ADAMTS20: variants seen among roughly 807,000 people sequenced by gnomAD.
ADAMTS20 encodes the protein ADAM metallopeptidase with thrombospondin type 1 motif 20.
A neutral mutation model predicts 260.1 loss-of-function variants in ADAMTS20; 225 were observed. The ratio of observed to expected loss-of-function variants is 0.87; its 90% confidence interval spans 0.78 to 0.97. The LOEUF is 0.97. Ranked by LOEUF, ADAMTS20 falls within the 50% of genes least tolerant of loss-of-function variation. ADAMTS20 has a pLI of 0.00. For synonymous variants in ADAMTS20, 802 were observed against 769.5 expected, an observed-to-expected ratio of 1.04 and a Z score of -0.70; for missense variants, 2,400 against 2,337.7, an observed-to-expected ratio of 1.03 and a Z score of -0.55.
chr12:43,354,384 C>A, intron 38 of ADAMTS20, 86 bp from the exon 39 acceptor site: 1 of 940,980 alleles, frequency 1.1e-6, no homozygotes, highest in Non-Finnish European at 1.6e-6. Context: ...TGCTTTGAAT[C>A]ATATGGCTAA....
At chr12:43,514,806 A>C (rs945364001) in intron 3 of ADAMTS20, among the ~76,000 whole-genome samples, 2 of 152,154 alleles carry the variant, frequency 1.3e-5, no homozygotes, top group Non-Finnish European at 2.9e-5. Context: ...CTAGCATTTG[A>C]ACATGTAAAT....
At chr12:43,518,952 T>C (rs1943035657) in intron 3 of ADAMTS20, among the ~76,000 whole-genome samples, 1 of 152,162 alleles carries the variant, frequency 6.6e-6, no homozygotes, top group African/African-American at 2.4e-5. Flanking sequence ...GTTACCACCC[T>C]GATTCAGCAC....
chr12:43,361,285 A>G (rs2137185549), intron 37 of ADAMTS20, among the ~76,000 whole-genome samples: 1 of 152,380 alleles, frequency 6.6e-6, no homozygotes, highest in South Asian at 2.1e-4. Context: ...GCTGTGTAAC[A>G]TAACACAGAA....
intron 14 of ADAMTS20, among the ~76,000 whole-genome samples, chr12:43,447,182 A>C (rs1941778192): frequency 7.7e-6 from 1 of 130,080 alleles, no homozygotes. Flanking sequence ...CAGAGACACG[A>C]CAAAAAAAAA....
Position 43,452,407 on chromosome 12 carries a change from C to A in ADAMTS20, c.1946G>T (p.Gly649Val), listed in dbSNP as rs1178408955. 1.9e-6 allele frequency: 3 copies of A among 1,607,668 alleles called. No individual in the cohort carries two copies. In the Admixed American group the frequency reaches 5.1e-5, roughly 27 times the overall value. Residue 649 changes from glycine (G) to valine (V), a missense_variant, in exon 14 of 39, where the codon GGC (glycine) becomes GTC (valine). Transcript: ENST00000389420. ...VRWLPRYSGI[G>V]TKDRCKLYCQ... Reference sequence around the variant, plus strand: ...ATAGAGTTTACAACGATCCTTTGTGCCAACTGTAAAAAAGAAAAAGGTCAA... The same window carrying A: ...ATAGAGTTTACAACGATCCTTTGTGACAACTGTAAAAAAGAAAAAGGTCAA...
At chr12:43,388,754 C>T (rs1299214464) in intron 29 of ADAMTS20, among the ~76,000 whole-genome samples, 1 of 152,176 alleles carries the variant, frequency 6.6e-6, no homozygotes, top group African/African-American at 2.4e-5. Flanking sequence ...TTAGTCTGTT[C>T]AGGCTGCTAT....
At chr12:43,379,280 G>C (rs1565672377) in intron 31 of ADAMTS20, among the ~76,000 whole-genome samples, 1 of 152,152 alleles carries the variant, frequency 6.6e-6, no homozygotes, top group Non-Finnish European at 1.5e-5. Flanking sequence ...CTGAATAACA[G>C]TTGGAGCAAC....
At chr12:43,381,320 T>C (rs770462590) in intron 31 of ADAMTS20, among the ~76,000 whole-genome samples, 10 of 152,114 alleles carry the variant, frequency 6.6e-5, no homozygotes, top group African/African-American at 9.7e-5. Flanking sequence ...TTCTTAGATA[T>C]GATACTTAAA....
rs570183169 is a variant in ADAMTS20 at position 43,408,897 on chromosome 12, G to A, written c.4285-9664C>T. On this transcript the variant is annotated intron_variant, in intron 28 of 38. Transcript: ENST00000389420. The stretch of plus-strand genomic sequence containing the variant: ...AGAGGCCTACAATTGAATCTCAGCT[G>A]TCAGAAGCTATGATAATAATAACAC... 2.6e-5 allele frequency among the ~76,000 whole-genome samples: 4 copies of A among 152,230 alleles called. No homozygotes were observed. The South Asian group carries it at 8.3e-4, about 32-fold the overall frequency.
At chr12:43,363,658 G>A (rs183120416) in intron 37 of ADAMTS20, among the ~76,000 whole-genome samples, 81 of 152,250 alleles carry the variant, frequency 5.3e-4, no homozygotes, top group African/African-American at 1.9e-3. Context: ...TAGCTTATTT[G>A]GAATAAAACC....
chr12:43,402,246 T>A (rs1054734406), intron 28 of ADAMTS20, among the ~76,000 whole-genome samples: 7 of 152,024 alleles, frequency 4.6e-5, no homozygotes, highest in African/African-American at 1.7e-4. Context: ...AAGCAATTTT[T>A]AATTTGCTTT....
At chr12:43,422,929 G>A (rs755042725) in intron 28 of ADAMTS20, 5 of 151,986 alleles carry the variant, frequency 3.3e-5, no homozygotes, top group Non-Finnish European at 7.4e-5. Context: ...TTGGAATATA[G>A]TATAGATACA....
chr12:43,443,844 T>C lies in ADAMTS20; in HGVS notation c.2237A>G (p.Asn746Ser). 6.2e-7 allele frequency: 1 copy of C among 1,613,416 alleles called. No individual in the cohort carries two copies. Among genetic ancestry groups the C allele is most frequent in the East Asian group, 2.2e-5 (1 of 44,856 alleles). The change falls in exon 16 of 39, where the codon AAC becomes AGC. Residue 746 changes from asparagine to serine, a missense_variant. Coordinates refer to ENST00000389420, the MANE Select transcript of ADAMTS20 (RefSeq NM_025003.5). The part of the protein sequence containing the change: ...VVVKIPAGAT[N>S]VDIRQYSYSG... ...ATAGCTGTACTGACGAATGTCAACGTTTGTTGCTCCTGCGGGAATCTTTAC... is the reference window on the plus strand; with the variant it reads ...ATAGCTGTACTGACGAATGTCAACGCTTGTTGCTCCTGCGGGAATCTTTAC...
intron 7 of ADAMTS20, among the ~76,000 whole-genome samples, chr12:43,472,897 G>T (rs1398752403): frequency 6.9e-6 from 1 of 144,758 alleles, no homozygotes; most frequent in African/African-American, 2.6e-5. Flanking sequence ...AAAATGTAAA[G>T]ACCATCGAGA....
Position 43,427,459 on chromosome 12 carries a change from C to T in ADAMTS20, c.3956G>A (p.Ser1319Asn). The change falls in exon 27 of 39, where the codon AGT (serine) becomes AAT (asparagine). Residue 1319 changes from serine (S) to asparagine (N), a missense_variant. Physicochemically the swap from Ser to Asn is conservative, Grantham distance 46 (BLOSUM62 1). Coordinates refer to ENST00000389420, the MANE Select transcript of ADAMTS20 (RefSeq NM_025003.5). ...RTGPWGSCSS[S>N]CSGGLQHRAV... The stretch of plus-strand genomic sequence containing the variant: ...CCTATGCTGAAGACCTCCAGAACAA[C>T]TGCTGGAGCACTGACAAGAATAAAA... 1.9e-6 allele frequency: 3 copies of T among 1,610,534 alleles called. No individual in the cohort carries two copies. In the South Asian group the frequency reaches 3.3e-5, roughly 18 times the overall value.
rs1941629529 is a variant in ADAMTS20 at position 43,439,941 on chromosome 12, T to G, written c.2419A>C (p.Arg807=). The G allele has an allele frequency of 2.5e-6, 4 of 1,605,762 alleles. No individual in the cohort carries two copies. The highest frequency in any genetic ancestry group is 1.3e-5 in the African/African-American group (1 of 74,864). ...EYSGSNNAVE[R]INSTNRQEKE... is the part of the protein sequence containing the mutation. ...TCTTGTCGATTAGTACTATTAATTC[T>G]TTCAACTGCGTTATTTGATCCACTG... Residue 807 remains arginine (R), a synonymous_variant, in exon 17 of 39, where the codon AGA becomes CGA. Coordinates refer to ENST00000389420, the MANE Select transcript of ADAMTS20 (RefSeq NM_025003.5).
intron 16 of ADAMTS20, among the ~76,000 whole-genome samples, chr12:43,442,890 C>T (rs7954329): frequency 0.015 from 2,279 of 152,278 alleles, 51 homozygotes; most frequent in African/African-American, 0.051. Flanking sequence ...ACAACCATCA[C>T]CTCTATCTAG....
Position 43,532,053 on chromosome 12 carries a change from T to C in ADAMTS20, c.596A>G (p.Lys199Arg), listed in dbSNP as rs371237402. 2 of 1,601,766 alleles carry C rather than the reference T, an allele frequency of 1.2e-6. No homozygotes were observed. Among genetic ancestry groups the C allele is most frequent in the Admixed American group, 1.7e-5 (1 of 58,830 alleles). Residue 199 changes from lysine to arginine, a missense_variant, in exon 3 of 39, where the codon AAG (lysine) becomes AGG (arginine). Coordinates refer to ENST00000389420, the MANE Select transcript of ADAMTS20 (RefSeq NM_025003.5). ...CAGTTTACCTGACACACTGCAATAC[T>C]TCAGAGTCTGCAGAAAAGAGTTATT... is the stretch of plus-strand genomic sequence containing the variant. ...DLNNSFLQTLKYCSVSESQIK... is the reference protein window; with the variant it reads ...DLNNSFLQTLRYCSVSESQIK...
Position 43,446,678 on chromosome 12 carries a change from G to A in ADAMTS20, c.2114C>T (p.Ala705Val), listed in dbSNP as rs952881488. 3.1e-6 allele frequency: 5 copies of A among 1,613,238 alleles called. No individual in the cohort carries two copies. The highest frequency in any genetic ancestry group is 4.2e-6 in the Non-Finnish European group (5 of 1,179,498). ...ACACACTCCACATTTGTCTATCTTG[G>A]CACTGGAGTTTAACACGTGATCACA... Reference protein sequence around the residue: ...AGCDHVLNSSAKIDKCGVCGG... With the variant: ...AGCDHVLNSSVKIDKCGVCGG... Residue 705 changes from alanine (A) to valine (V), a missense_variant, in exon 15 of 39, where the codon GCC (alanine) becomes GTC (valine). Transcript: ENST00000389420.
Sources: allele counts gnomAD v4.1 joint callset (sites outside exome capture counted in the v4.1 genomes callset), GRCh38; gene constraint gnomAD v4.1.1; transcripts MANE v1.5; gene names NCBI Gene and HGNC (gene_info 2026-07-23, HGNC 2026-07-21).